Variants in EXOC3L1 observed in about 807,000 individuals in gnomAD.
EXOC3L1 encodes the protein exocyst complex component 3 like 1, also known as exocyst complex component 3-like protein.
Under a neutral mutation model 83.6 loss-of-function variants are expected in EXOC3L1, and 79 were observed. The observed-to-expected ratio is 0.95, with a 90% confidence interval of 0.79 to 1.14. The LOEUF (loss-of-function observed/expected upper bound fraction) is 1.14, where lower values mean the gene tolerates loss of function less well. Among genes scored for constraint, EXOC3L1 ranks in the 50% most tolerant of loss-of-function variants. The pLI is 0.00. For synonymous variants in EXOC3L1, 433 were observed against 451.2 expected, an observed-to-expected ratio of 0.96 and a Z score of 0.51; for missense variants, 945 against 972.0, an observed-to-expected ratio of 0.97 and a Z score of 0.37.
chr16:67,184,814 A>T lies in EXOC3L1; in HGVS notation c.1906-4T>A, dbSNP rs1393972080. The T allele has an allele frequency of 6.2e-7, 1 of 1,603,708 alleles. No individual in the cohort carries two copies. Among genetic ancestry groups the T allele is most frequent in the Admixed American group, 1.7e-5 (1 of 59,994 alleles). On this transcript the variant is annotated splice_polypyrimidine_tract_variant and splice_region_variant and intron_variant, in intron 12 of 13. Coordinates refer to ENST00000314586, the MANE Select transcript of EXOC3L1 (RefSeq NM_178516.4). The stretch of plus-strand genomic sequence containing the variant: ...AGTGCGCGTTCTCCTCCAGGCCCTG[A>T]GCACGTCGGGGTAGGGTCTCGCGCC...
In EXOC3L1 at chr16:67,185,187, C is replaced by T. The variant is rs528877746; in HGVS notation, c.1698G>A (p.Arg566=). 82 of 1,613,538 alleles carry T rather than the reference C, an allele frequency of 5.1e-5. No homozygotes were observed. The highest frequency in any genetic ancestry group is 6.7e-5 in the Non-Finnish European group (79 of 1,180,040). The change falls in exon 11 of 14, where the codon CGG becomes CGA. Residue 566 remains arginine, a synonymous_variant. Transcript: ENST00000314586. ...AGAAGTCCCGGCAGAAGCGCCCCGT[C>T]CGTTCACACACACTTTGCAGGAGCT... ...SPELLQSVCE[R]TGRFCRDFWR...
At chr16:67,188,234 ACT>A (rs925540758) in intron 4 of EXOC3L1, among the ~76,000 whole-genome samples, 2 of 152,024 alleles carry the variant, frequency 1.3e-5, no homozygotes, top group African/African-American at 2.4e-5. Context: ...ACAGAGTGAG[ACT>A]CTGTTTCAAA....
At position 67,185,455 on chromosome 16, in the gene EXOC3L1, G is replaced by A; in HGVS notation, c.1532C>T (p.Pro511Leu). The stretch of plus-strand genomic sequence containing the variant: ...TTCCACTGGAGCCAAGGCCCCTGAA[G>A]GCGCCCCGTCCAGCTGCAGGACAGA... ...SVSVLQLDGA[P>L]SGALAPVEAA... The change falls in exon 10 of 14, where the codon CCT becomes CTT. Residue 511 changes from proline (P) to leucine (L), a missense_variant. By Grantham distance (98) the Pro-to-Leu change is moderately conservative. Coordinates refer to ENST00000314586, the MANE Select transcript of EXOC3L1 (RefSeq NM_178516.4). 1 of 1,610,398 alleles carries A rather than the reference G, an allele frequency of 6.2e-7. No homozygotes were observed. The highest frequency in any genetic ancestry group is 8.5e-7 in the Non-Finnish European group (1 of 1,179,850).
Position 67,189,982 on chromosome 16 carries a change from A to T in EXOC3L1, c.-19T>A. 2.6e-6 allele frequency: 1 copy of T among 381,052 alleles called. No individual in the cohort carries two copies. Among genetic ancestry groups the T allele is most frequent in the South Asian group, 4.4e-5 (1 of 22,850 alleles). 23.6% of individuals were successfully genotyped at this position (381,052 alleles called of 1,614,324 possible). A position where few individuals can be genotyped will look rare whatever the true frequency, so the allele number is the denominator to read the frequency against. On this transcript the variant is annotated 5_prime_UTR_variant, in exon 1 of 14. Coordinates refer to ENST00000314586, the MANE Select transcript of EXOC3L1 (RefSeq NM_178516.4). ...GGTACAGAACTTACCAGATTTGATCAGGCGTCCAGTTCTCCCTCCAAAAAT... is the reference window on the plus strand; with the variant it reads ...GGTACAGAACTTACCAGATTTGATCTGGCGTCCAGTTCTCCCTCCAAAAAT...
intron 8 of EXOC3L1, 79 bp downstream of exon 8, chr16:67,186,478 G>A: frequency 6.7e-7 from 1 of 1,500,528 alleles, no homozygotes; most frequent in Admixed American, 1.7e-5. Flanking sequence ...CCTGTGACAT[G>A]TCTTATTCAC....
chr16:67,185,638 T>TG, intron 9 of EXOC3L1, 148 bp from the exon 10 acceptor site: 3 of 726,480 alleles, frequency 4.1e-6, no homozygotes, highest in Non-Finnish European at 6.8e-6. Flanking sequence ...GTCCCAGGCA[T>TG]GGACCAGGGC....
chr16:67,186,357 G>A lies in EXOC3L1; in HGVS notation c.1386-10C>T. On this transcript the variant is annotated splice_polypyrimidine_tract_variant and intron_variant, in intron 8 of 13. Transcript: ENST00000314586. ...CAGAGCATCACTGAAGCTGCAATGG[G>A]CAGAGGTGGCTCCTGGACTTGCTGC... 2 of 1,549,560 alleles carry A rather than the reference G, an allele frequency of 1.3e-6. No individual in the cohort carries two copies. Among genetic ancestry groups the A allele is most frequent in the Non-Finnish European group, 1.7e-6 (2 of 1,143,006 alleles).
chr16:67,187,547 C>T lies in EXOC3L1; in HGVS notation c.718G>A (p.Val240Ile). 1 of 1,602,574 alleles carries T rather than the reference C, an allele frequency of 6.2e-7. No homozygotes were observed. Among genetic ancestry groups the T allele is most frequent in the East Asian group, 2.2e-5 (1 of 44,842 alleles). The change falls in exon 5 of 14, where the codon GTC (valine) becomes ATC (isoleucine). Residue 240 changes from valine to isoleucine, a missense_variant. Val to Ile is a conservative substitution (Grantham distance 29). Transcript: ENST00000314586. ...ETGRTTPLGQ[V>I]PRDWRQRCLR... ...CAGCGCTGACGCCAGTCCCGGGGGA[C>T]CTGGCCCAGGGGGGTTGTTCGTCCA... is the stretch of plus-strand genomic sequence containing the variant.
Position 67,187,559 on chromosome 16 carries a change from G to T in EXOC3L1, c.706C>A (p.Pro236Thr), listed in dbSNP as rs2032764327. 6.2e-7 allele frequency: 1 copy of T among 1,603,750 alleles called. No homozygotes were observed. The change falls in exon 5 of 14, where the codon CCC (proline) becomes ACC (threonine). Residue 236 changes from proline to threonine, a missense_variant. Physicochemically the swap from Pro to Thr is conservative, Grantham distance 38. Coordinates refer to ENST00000314586, the MANE Select transcript of EXOC3L1 (RefSeq NM_178516.4). ...CAGTCCCGGGGGACCTGGCCCAGGG[G>T]GGTTGTTCGTCCAGTCTCCACCTCC... Reference protein sequence around the residue: ...VAEVETGRTTPLGQVPRDWRQ... With the variant: ...VAEVETGRTTTLGQVPRDWRQ...
At chr16:67,189,764 C>A in intron 1 of EXOC3L1, 81 bp from the exon 2 acceptor site, 1 of 1,410,446 alleles carries the variant, frequency 7.1e-7, no homozygotes, top group South Asian at 1.2e-5. Flanking sequence ...CTGTCTAAGC[C>A]CTTCTGAGAG....
rs773446754 is a variant in EXOC3L1, at chr16:67,184,500, C to T, written c.2135G>A (p.Arg712His). 6 of 1,519,412 alleles carry T rather than the reference C, an allele frequency of 3.9e-6. No individual in the cohort carries two copies. The highest frequency in any genetic ancestry group is 1.8e-4 in the Middle Eastern group (1 of 5,406). The allele number at this position is 1,519,412 out of a possible 1,614,324, so 94.1% of individuals were successfully genotyped here. The part of the protein sequence containing the change: ...SLQAALPPSP[R>H]ASRRVLFSLV... ...GCTGAAGAGGACGCGGCGGCTCGCGCGGGGCGACGGCGGCAGCGCAGCCTG... is the reference window on the plus strand; with the variant it reads ...GCTGAAGAGGACGCGGCGGCTCGCGTGGGGCGACGGCGGCAGCGCAGCCTG... Residue 712 changes from arginine to histidine, a missense_variant, in exon 14 of 14, where the codon CGC becomes CAC. Arg to His is a conservative substitution (Grantham distance 29, BLOSUM62 0). Transcript: ENST00000314586.
intron 1 of EXOC3L1, 117 bp from the exon 2 acceptor site, chr16:67,189,800 C>A: frequency 9.5e-7 from 1 of 1,050,686 alleles, no homozygotes. Context: ...TCCCGGCCCC[C>A]TCGGGAAGTG....
At chr16:67,188,642 T>C (rs573177600) in intron 4 of EXOC3L1, 79 bp downstream of exon 4, 7 of 1,364,386 alleles carry the variant, frequency 5.1e-6, no homozygotes, top group South Asian at 1.3e-5. Flanking sequence ...CCCCATCTAG[T>C]GCCCCAGCCC....
At chr16:67,189,260 AT>A in intron 2 of EXOC3L1, 80 bp from the exon 3 acceptor site, 1 of 1,262,514 alleles carries the variant, frequency 7.9e-7, no homozygotes. Flanking sequence ...TTATTTATTT[AT>A]TTATTTATTT....
In EXOC3L1 at chr16:67,187,727, G is replaced by C. The variant is rs780628359; in HGVS notation, c.538C>G (p.Leu180Val). The C allele has an allele frequency of 1.2e-6, 2 of 1,613,056 alleles. No homozygotes were observed. The highest frequency in any genetic ancestry group is 1.7e-4 in the Middle Eastern group (1 of 6,060). Residue 180 changes from leucine (L) to valine (V), a missense_variant, in exon 5 of 14, where the codon CTG (leucine) becomes GTG (valine). Leu to Val is a conservative substitution (Grantham distance 32). Transcript: ENST00000314586. ...EQLREDTWAP[L>V]GGLELPVFQG... is the part of the protein sequence containing the mutation. ...AAGACTGGCAACTCCAGGCCCCCCA[G>C]GGGTGCCCACGTATCCTCTCGCAGC...
intron 9 of EXOC3L1, 185 bp from the exon 10 acceptor site, chr16:67,185,675 A>C (rs2032690160): frequency 1.6e-6 from 1 of 611,146 alleles, no homozygotes. Flanking sequence ...GGCGAGCTGC[A>C]AAGGACACAG....
Position 67,184,474 on chromosome 16 carries a change from G to A in EXOC3L1, c.2161C>T (p.Leu721=). ...GGCGCGAGCGCGGGCGCGGGCACTA[G>A]GCTGAAGAGGACGCGGCGGCTCGCG... ...PRASRRVLFS[L]VPAPALAPAS... Residue 721 remains leucine (L), a synonymous_variant, in exon 14 of 14, where the codon CTA becomes TTA. Coordinates refer to ENST00000314586, the MANE Select transcript of EXOC3L1 (RefSeq NM_178516.4). 6.5e-7 allele frequency: 1 copy of A among 1,529,218 alleles called. No individual in the cohort carries two copies. Among genetic ancestry groups the A allele is most frequent in the Non-Finnish European group, 8.7e-7 (1 of 1,144,154 alleles). The allele number at this position is 1,529,218 out of a possible 1,614,324, so 94.7% of individuals were successfully genotyped here.
At chr16:67,189,602 C>T in intron 2 of EXOC3L1, 29 bp downstream of exon 2, 9 of 1,613,510 alleles carry the variant, frequency 5.6e-6, no homozygotes, top group East Asian at 2.2e-5. Context: ...GCCATCATTC[C>T]TCCCCTAGTC....
At position 67,189,693 on chromosome 16, in the gene EXOC3L1, C is replaced by T; in HGVS notation, c.-7-10G>A. On this transcript the variant is annotated splice_polypyrimidine_tract_variant and intron_variant, in intron 1 of 13. Coordinates refer to ENST00000314586, the MANE Select transcript of EXOC3L1 (RefSeq NM_178516.4). The stretch of plus-strand genomic sequence containing the variant: ...TGAGTCCATTGTGGGCCTGGAGGAG[C>T]CAGAGCTGAGGTGGGCCCGGGGCAA... The T allele has an allele frequency of 6.2e-7, 1 of 1,613,846 alleles. No individual in the cohort carries two copies. The highest frequency in any genetic ancestry group is 8.5e-7 in the Non-Finnish European group (1 of 1,179,928).
Sources: gnomAD v4.1 joint callset for allele counts (sites outside exome capture counted in the v4.1 genomes callset) on GRCh38, gnomAD v4.1.1 for gene constraint, MANE v1.5 for transcripts, NCBI Gene and HGNC (gene_info 2026-07-23, HGNC 2026-07-21) for gene names.